Variants in DOK6 observed in about 807,000 individuals in gnomAD.
The protein encoded by DOK6 is downstream of tyrosine kinase 6.
Under a neutral mutation model 44.0 loss-of-function variants are expected in DOK6, and 22 were observed. The ratio of observed to expected loss-of-function variants is 0.50; its 90% CI spans 0.36 to 0.71. The LOEUF is 0.71. Among genes scored for constraint, DOK6 ranks in the 30% least tolerant of loss-of-function variants. DOK6 has a pLI of 0.00. For missense variants in DOK6, 340 were observed against 416.4 expected (o/e 0.82, Z 1.60); for synonymous variants, 166 against 145.5 (o/e 1.14, Z -1.01).
In DOK6 at chr18:69,401,253, C is replaced by T; in HGVS notation, c.9C>T (p.Ser3=). ...GCCCGATCGCGCTGGCCATGGCCTC[C>T]AACTTTAACGACATAGTCAAGCAGG... MA[S]NFNDIVKQGY... The change falls in exon 1 of 8, where the codon TCC becomes TCT. Residue 3 remains serine (S), a synonymous_variant. Transcript: ENST00000382713. 1 of 1,577,072 alleles carries T rather than the reference C, an allele frequency of 6.3e-7. No individual in the cohort carries two copies. The highest frequency in any genetic ancestry group is 8.6e-7 in the Non-Finnish European group (1 of 1,162,842).
chr18:69,655,087 T>C (rs1264172903), intron 3 of DOK6, among the ~76,000 whole-genome samples: 1 of 152,040 alleles, frequency 6.6e-6, no homozygotes, highest in East Asian at 1.9e-4. Flanking sequence ...TCTAGGTGTA[T>C]GAGTTTTCTA....
chr18:69,410,049 T>A (rs1978299622), intron 1 of DOK6, among the ~76,000 whole-genome samples: 3 of 152,304 alleles, frequency 2.0e-5, no homozygotes, highest in African/African-American at 7.2e-5. Flanking sequence ...GTACACCTAG[T>A]ACCAAGTCAT....
intron 5 of DOK6, among the ~76,000 whole-genome samples, chr18:69,714,133 A>C (rs1215187476): frequency 6.6e-6 from 1 of 152,336 alleles, no homozygotes; most frequent in South Asian, 2.1e-4. Context: ...GAGACTCCCT[A>C]TATACAGACT....
chr18:69,655,578 C>A (rs979981897), intron 3 of DOK6, among the ~76,000 whole-genome samples: 1 of 151,450 alleles, frequency 6.6e-6, no homozygotes, highest in Admixed American at 6.6e-5. Context: ...CATGGTGAAA[C>A]CCTGTCTCTA....
chr18:69,715,859 A>C (rs1483071556), intron 5 of DOK6, among the ~76,000 whole-genome samples: 1 of 152,214 alleles, frequency 6.6e-6, no homozygotes, highest in Non-Finnish European at 1.5e-5. Context: ...AGGCTGATGA[A>C]GGAAGTGATT....
chr18:69,840,552 A>AT (rs1391857751), intron 7 of DOK6, among the ~76,000 whole-genome samples: 1 of 152,242 alleles, frequency 6.6e-6, no homozygotes, highest in Non-Finnish European at 1.5e-5. Flanking sequence ...TTTCTCATGC[A>AT]GGGGTGCAGC....
chr18:69,823,133 T>C (rs750191984), intron 7 of DOK6, among the ~76,000 whole-genome samples: 6 of 152,228 alleles, frequency 3.9e-5, no homozygotes, highest in Non-Finnish European at 5.9e-5. Context: ...CCATTTTTCA[T>C]AATTTTACTC....
intron 7 of DOK6, among the ~76,000 whole-genome samples, chr18:69,788,781 T>C (rs1241493233): frequency 6.6e-6 from 1 of 152,170 alleles, no homozygotes; most frequent in East Asian, 1.9e-4. Context: ...AGCTATCTCA[T>C]TTACTTTTTA....
chr18:69,641,624 A>T (rs990801012), intron 3 of DOK6, among the ~76,000 whole-genome samples: 1 of 152,228 alleles, frequency 6.6e-6, no homozygotes, highest in African/African-American at 2.4e-5. Flanking sequence ...GCTAGATATC[A>T]GCTGCCCATA....
At chr18:69,838,292 ATACTTTCCAGC>A (rs1168159830) in intron 7 of DOK6, among the ~76,000 whole-genome samples, 1 of 151,978 alleles carries the variant, frequency 6.6e-6, no homozygotes, top group Non-Finnish European at 1.5e-5. Context: ...TCTTAATATT[ATACTTTCCAGC>A]TATCTTATGC....
intron 5 of DOK6, among the ~76,000 whole-genome samples, chr18:69,703,001 CTCAATAAAA>C (rs1383887510): frequency 6.6e-6 from 1 of 151,804 alleles, no homozygotes; most frequent in African/African-American, 2.4e-5. Context: ...GTCTCCATTT[CTCAATAAAA>C]ACAGTTTCCT....
chr18:69,594,675 G>C (rs993023474), intron 2 of DOK6, among the ~76,000 whole-genome samples: 1 of 151,668 alleles, frequency 6.6e-6, no homozygotes, highest in African/African-American at 2.4e-5. Context: ...TTGCAGATGA[G>C]ATGATCTTAT....
At chr18:69,482,307 G>T (rs1221597340) in intron 1 of DOK6, among the ~76,000 whole-genome samples, 1 of 152,146 alleles carries the variant, frequency 6.6e-6, no homozygotes, top group Non-Finnish European at 1.5e-5. Flanking sequence ...CCATGCCTAT[G>T]TCCTGAATGG....
chr18:69,494,645 T>C (rs764309645), intron 1 of DOK6, among the ~76,000 whole-genome samples: 1 of 152,238 alleles, frequency 6.6e-6, no homozygotes, highest in African/African-American at 2.4e-5. Flanking sequence ...GATCGTGTTG[T>C]CTTATCTTCC....
intron 3 of DOK6, among the ~76,000 whole-genome samples, chr18:69,624,996 GTATT>G (rs984971103): frequency 1.3e-5 from 2 of 152,036 alleles, no homozygotes; most frequent in African/African-American, 4.8e-5. Flanking sequence ...CACTATGAAA[GTATT>G]TATGAAAATA....
intron 1 of DOK6, among the ~76,000 whole-genome samples, chr18:69,487,887 G>A (rs1194767173): frequency 6.6e-6 from 1 of 152,156 alleles, no homozygotes; most frequent in Non-Finnish European, 1.5e-5. Context: ...TCTTTCTGGT[G>A]TAGGCACAGT....
intron 5 of DOK6, among the ~76,000 whole-genome samples, chr18:69,704,796 T>C (rs1167192501): frequency 6.6e-6 from 1 of 152,116 alleles, no homozygotes; most frequent in Non-Finnish European, 1.5e-5. Context: ...CTTCTTATAG[T>C]TCCAAAAGAA....
chr18:69,824,049 T>G (rs1981657010), intron 7 of DOK6, among the ~76,000 whole-genome samples: 1 of 152,000 alleles, frequency 6.6e-6, no homozygotes, highest in African/African-American at 2.4e-5. Context: ...TTTTTCTTTT[T>G]TTTTAAAAAT....
At chr18:69,446,275 C>T (rs62096605) in intron 1 of DOK6, among the ~76,000 whole-genome samples, 24,472 of 143,682 alleles carry the variant, frequency 0.17, 2,536 homozygotes, top group South Asian at 0.31. Context: ...TCTCATTGTT[C>T]AATTCCCACC....
Sources: gnomAD v4.1 joint callset for allele counts (sites outside exome capture counted in the v4.1 genomes callset) on GRCh38, gnomAD v4.1.1 for gene constraint, MANE v1.5 for transcripts, NCBI Gene and HGNC (gene_info 2026-07-23, HGNC 2026-07-21) for gene names.